DPP6: variants seen among roughly 807,000 people sequenced by gnomAD.
DPP6 encodes A-type potassium channel modulatory protein DPP6.
A neutral mutation model predicts 122.6 loss-of-function variants in DPP6; 69 were observed. That is an observed-to-expected ratio of 0.56 (90% CI 0.46 to 0.69). DPP6 has a LOEUF of 0.69. DPP6 is among the 30% of genes least tolerant of loss of function. The pLI is 0.00. For synonymous variants in DPP6, 418 were observed against 433.1 expected, an observed-to-expected ratio of 0.97 and a Z score of 0.43; for missense variants, 928 against 1,116.9, an observed-to-expected ratio of 0.83 and a Z score of 2.41.
chr7:154,472,179 A>T (rs1354195703), intron 2 of DPP6, among the ~76,000 whole-genome samples: 1 of 152,222 alleles, frequency 6.6e-6, no homozygotes, highest in Non-Finnish European at 1.5e-5. Flanking sequence ...TTTAAGCTGA[A>T]AATATTACTG....
intron 4 of DPP6, among the ~76,000 whole-genome samples, chr7:154,549,163 T>C (rs1169241867): frequency 6.6e-6 from 1 of 152,138 alleles, no homozygotes; most frequent in Non-Finnish European, 1.5e-5. Context: ...GTAATAAAGG[T>C]TTATTGGAAG....
chr7:154,589,789 C>G (rs1832694059), intron 5 of DPP6, among the ~76,000 whole-genome samples: 1 of 152,230 alleles, frequency 6.6e-6, no homozygotes, highest in Admixed American at 6.5e-5. Flanking sequence ...CCTTCTTTGG[C>G]CCAGCCGAAC....
intron 1 of DPP6, among the ~76,000 whole-genome samples, chr7:154,427,471 T>A (rs1032110408): frequency 2.6e-5 from 4 of 152,170 alleles, no homozygotes; most frequent in African/African-American, 7.2e-5. Flanking sequence ...GATTTGAAAA[T>A]AACCTTCAAC....
intron 16 of DPP6, among the ~76,000 whole-genome samples, chr7:154,835,211 G>A (rs185382347): frequency 1.3e-5 from 2 of 152,226 alleles, no homozygotes; most frequent in African/African-American, 2.4e-5. Context: ...GATCTGATAC[G>A]AGGGGTGGCC....
At chr7:153,809,722 G>A in the DPP6 span, among the ~76,000 whole-genome samples, 1 of 151,500 alleles carries the variant, frequency 6.6e-6, no homozygotes, top group African/African-American at 2.4e-5. Context: ...TTCTAACCTT[G>A]GATCTGTTTC....
chr7:154,395,686 A>G (rs903579039), intron 1 of DPP6, among the ~76,000 whole-genome samples: 1 of 152,122 alleles, frequency 6.6e-6, no homozygotes, highest in Non-Finnish European at 1.5e-5. Context: ...AAATTGTATC[A>G]TGTGTAAACA....
chr7:154,747,654 GA>G (rs553954242), intron 8 of DPP6, among the ~76,000 whole-genome samples: 36 of 148,986 alleles, frequency 2.4e-4, no homozygotes, highest in East Asian at 3.9e-4. Context: ...CCATATGTTA[GA>G]AAAAAAAAAT....
chr7:153,922,372 T>G (rs4726344), intron 1 of DPP6, among the ~76,000 whole-genome samples: 71,770 of 151,800 alleles, frequency 0.47, 17,764 homozygotes, highest in African/African-American at 0.63. Flanking sequence ...AGTGGCATGC[T>G]TTTGTATTCC....
chr7:154,502,850 G>T (rs1303249575), intron 3 of DPP6, among the ~76,000 whole-genome samples: 1 of 152,172 alleles, frequency 6.6e-6, no homozygotes, highest in Non-Finnish European at 1.5e-5. Context: ...CTGTTGACAG[G>T]ATGTAAATAG....
At chr7:154,680,575 A>T (rs1026615996) in intron 7 of DPP6, among the ~76,000 whole-genome samples, 1 of 152,216 alleles carries the variant, frequency 6.6e-6, no homozygotes, top group Non-Finnish European at 1.5e-5. Context: ...ATGTTGGCAT[A>T]TGGAAAGGAT....
chr7:154,853,610 C>T (rs966171019), intron 16 of DPP6, among the ~76,000 whole-genome samples, 170 bp from the exon 17 acceptor site: 1 of 152,230 alleles, frequency 6.6e-6, no homozygotes, highest in Non-Finnish European at 1.5e-5. Context: ...CTTGGCCCCC[C>T]TGCCGGCCTG....
chr7:154,191,029 A>C (rs1798591212), intron 1 of DPP6, among the ~76,000 whole-genome samples: 1 of 152,246 alleles, frequency 6.6e-6, no homozygotes, highest in Non-Finnish European at 1.5e-5. Flanking sequence ...ATAGCCAATA[A>C]TAAAAGAGCA....
chr7:154,813,274 G>C (rs10246034), intron 16 of DPP6, among the ~76,000 whole-genome samples: 2 of 151,638 alleles, frequency 1.3e-5, no homozygotes, highest in African/African-American at 4.8e-5. Context: ...TATTAGAGAC[G>C]GGTTTTCACT....
chr7:154,778,994 C>T (rs1181803687), intron 10 of DPP6, among the ~76,000 whole-genome samples: 19 of 150,118 alleles, frequency 1.3e-4, no homozygotes, highest in South Asian at 2.1e-4. Flanking sequence ...CCATCACCTC[C>T]ACAACCTCCA....
intron 1 of DPP6, among the ~76,000 whole-genome samples, chr7:153,983,197 A>G (rs1796678391): frequency 1.3e-5 from 2 of 152,208 alleles, no homozygotes; most frequent in Non-Finnish European, 2.9e-5. Flanking sequence ...AGTTTTATCT[A>G]TATGCCCCTG....
Position 154,227,373 on chromosome 7 carries a change from G to A in DPP6, c.243+174310G>A, listed in dbSNP as rs543993264. On this transcript the variant is annotated intron_variant, in intron 1 of 25. Coordinates refer to ENST00000377770, the MANE Select transcript of DPP6 (RefSeq NM_130797.4). ...ATGACATGATTCCACTTAGATGAGA[G>A]CGGAATGGTGGTTGCCAGGGGGTTG... is the stretch of plus-strand genomic sequence containing the variant. Among the ~76,000 whole-genome samples the A allele has an allele frequency of 3.1e-4, 47 of 152,006 alleles. No homozygotes were observed. The South Asian group carries it at 3.3e-3, about 11-fold the overall frequency.
chr7:154,605,226 T>C (rs762356730), intron 5 of DPP6, among the ~76,000 whole-genome samples: 1 of 120,196 alleles, frequency 8.3e-6, no homozygotes, highest in Non-Finnish European at 1.9e-5. Flanking sequence ...ACCTTGATTA[T>C]ATTCCTAAAA....
At chr7:154,805,223 A>T (rs1041113075) in intron 15 of DPP6, among the ~76,000 whole-genome samples, 6 of 152,208 alleles carry the variant, frequency 3.9e-5, no homozygotes, top group Non-Finnish European at 5.9e-5. Flanking sequence ...TCTTTGGCTA[A>T]CGGATGGACT....
upstream of DPP6, among the ~76,000 whole-genome samples, chr7:153,886,102 G>A (rs1294467880): frequency 8.1e-6 from 1 of 123,330 alleles, no homozygotes; most frequent in East Asian, 2.2e-4. Flanking sequence ...CTCAGGCGCT[G>A]GCACGCCCTT....
Sources: gnomAD v4.1 joint callset for allele counts (sites outside exome capture counted in the v4.1 genomes callset) on GRCh38, gnomAD v4.1.1 for gene constraint, MANE v1.5 for transcripts, NCBI Gene and HGNC (gene_info 2026-07-23, HGNC 2026-07-21) for gene names.